Variants in RYR3 observed in about 807,000 individuals in gnomAD.
The protein encoded by RYR3 is brain ryanodine receptor-calcium release channel.
RYR3 carries 207 observed loss-of-function variants against 584.3 expected under a neutral mutation model. The observed-to-expected ratio is 0.35, with a 90% CI of 0.32 to 0.40. The LOEUF (loss-of-function observed/expected upper bound fraction) is 0.40, where lower values mean the gene tolerates loss of function less well. Among genes scored for constraint, RYR3 ranks in the 10% least tolerant of loss-of-function variants. RYR3 has a pLI of 1.00. For synonymous variants in RYR3, 2,416 were observed against 2,248.5 expected, an observed-to-expected ratio of 1.07 and a Z score of -2.11; for missense variants, 5,616 against 6,089.2, an observed-to-expected ratio of 0.92 and a Z score of 2.59.
intron 38 of RYR3, among the ~76,000 whole-genome samples, chr15:33,680,491 G>A (rs530214971): frequency 6.6e-6 from 1 of 152,196 alleles, no homozygotes; most frequent in Non-Finnish European, 1.5e-5. Flanking sequence ...GGTGGCTGCA[G>A]TTCTGGGCCT....
At position 33,613,301 on chromosome 15, in the gene RYR3, C is replaced by T. The variant is rs750595087; in HGVS notation, c.2283C>T (p.Pro761=). 23 of 1,613,846 alleles carry T rather than the reference C, an allele frequency of 1.4e-5. No individual in the cohort carries two copies. The highest frequency in any genetic ancestry group is 2.2e-5 in the South Asian group (2 of 91,080). The stretch of plus-strand genomic sequence containing the variant: ...TCTCATTCCGCATCAATGGGCAGCC[C>T]GTGCAGGGGATGTTTGAGAACTTCA... ...PSISFRINGQ[P]VQGMFENFNT... The change falls in exon 19 of 104, where the codon CCC becomes CCT. Residue 761 remains proline (P), a synonymous_variant. Transcript: ENST00000634891.
At chr15:33,429,338 G>A (rs898080348) in intron 1 of RYR3, among the ~76,000 whole-genome samples, 3 of 152,122 alleles carry the variant, frequency 2.0e-5, no homozygotes, top group Non-Finnish European at 4.4e-5. Context: ...TGTCACTAAG[G>A]ATTGTCACGC....
rs546847177 is a variant in RYR3, at chr15:33,741,802, G to A, written c.7821-564G>A. The stretch of plus-strand genomic sequence containing the variant: ...CTAATTTTTTTGTATTTTTAGTAGA[G>A]ACGGGGTTTCACCGTGTTAGCCAGG... On this transcript the variant is annotated intron_variant, in intron 51 of 103. Transcript: ENST00000634891. 2.6e-3 allele frequency among the ~76,000 whole-genome samples: 399 copies of A among 152,164 alleles called. 3 individuals carry two copies. Among genetic ancestry groups the A allele is most frequent in the Admixed American group, 7.1e-3 (109 of 15,280 alleles).
At chr15:33,700,584 T>C (rs897818023) in intron 41 of RYR3, among the ~76,000 whole-genome samples, 18 of 152,166 alleles carry the variant, frequency 1.2e-4, no homozygotes, top group Non-Finnish European at 1.9e-4. Context: ...GGTGAAACTA[T>C]ATGAGCTAAT....
intron 48 of RYR3, among the ~76,000 whole-genome samples, chr15:33,733,447 T>G (rs2069134906): frequency 6.6e-6 from 1 of 152,130 alleles, no homozygotes. Flanking sequence ...GCAATGAAAA[T>G]ACATAGAGGA....
intron 1 of RYR3, among the ~76,000 whole-genome samples, chr15:33,357,192 C>A (rs539697524): frequency 6.6e-6 from 1 of 152,318 alleles, no homozygotes; most frequent in South Asian, 2.1e-4. Flanking sequence ...TGCCACTTAT[C>A]AGACCTGAAT....
chr15:33,572,003 A>G (rs1324715230), intron 12 of RYR3, among the ~76,000 whole-genome samples: 3 of 152,190 alleles, frequency 2.0e-5, no homozygotes, highest in African/African-American at 2.4e-5. Flanking sequence ...GGAACTTAAT[A>G]TATATTTAAC....
At position 33,800,857 on chromosome 15, in the gene RYR3, T is replaced by C. The variant is rs750129991; in HGVS notation, c.9918T>C (p.His3306=). 1 of 1,605,996 alleles carries C rather than the reference T, an allele frequency of 6.2e-7. No homozygotes were observed. Among genetic ancestry groups the C allele is most frequent in the African/African-American group, 1.3e-5 (1 of 74,862 alleles). ...TCTTCATTCTGTGGTGTAAATCTCA[T>C]GTAAGAACACATTTGGGCCCTGGGT... is the stretch of plus-strand genomic sequence containing the variant. ...AEVFILWCKS[H]NFKREEQNFV... Residue 3306 remains histidine (H), a splice_region_variant and synonymous_variant, in exon 68 of 104, where the codon CAT becomes CAC. Transcript: ENST00000634891.
chr15:33,438,076 A>C (rs1395773466), intron 1 of RYR3, among the ~76,000 whole-genome samples: 1 of 152,204 alleles, frequency 6.6e-6, no homozygotes, highest in Non-Finnish European at 1.5e-5. Context: ...TCTAACCAGA[A>C]TTTGTCTGGT....
intron 1 of RYR3, among the ~76,000 whole-genome samples, chr15:33,395,445 A>G (rs1595959111): frequency 6.6e-6 from 1 of 152,366 alleles, no homozygotes; most frequent in African/African-American, 2.4e-5. Context: ...CATCTGCTAC[A>G]TAACGCAAGG....
chr15:33,629,066 T>C (rs1303214698), intron 21 of RYR3, among the ~76,000 whole-genome samples: 1 of 152,216 alleles, frequency 6.6e-6, no homozygotes, highest in East Asian at 1.9e-4. Flanking sequence ...ACGCCAACTC[T>C]CTCAAATGAC....
At chr15:33,792,926 T>A (rs1348899791) in intron 67 of RYR3, among the ~76,000 whole-genome samples, 2 of 152,140 alleles carry the variant, frequency 1.3e-5, no homozygotes, top group Non-Finnish European at 2.9e-5. Context: ...CTACGCAGAG[T>A]TAGTGCAGAT....
At chr15:33,671,505 C>G (rs2063832971) in intron 38 of RYR3, among the ~76,000 whole-genome samples, 1 of 152,134 alleles carries the variant, frequency 6.6e-6, no homozygotes, top group Non-Finnish European at 1.5e-5. Flanking sequence ...GTCAGAATAT[C>G]TCTGAAGGGA....
chr15:33,438,592 T>C (rs2045935450), intron 1 of RYR3, among the ~76,000 whole-genome samples: 1 of 152,206 alleles, frequency 6.6e-6, no homozygotes, highest in Non-Finnish European at 1.5e-5. Context: ...GATTAACTTA[T>C]CAAGTTACAC....
At chr15:33,586,372 A>G (rs2058847989) in intron 16 of RYR3, among the ~76,000 whole-genome samples, 1 of 152,116 alleles carries the variant, frequency 6.6e-6, no homozygotes, top group African/African-American at 2.4e-5. Context: ...ACACCAGCTC[A>G]CTGTGGGACA....
rs1890180135 is a variant in RYR3 at position 33,865,434 on chromosome 15, TGTCGAAGAAGGAA to T, written c.*210_*222del. 2.0e-6 allele frequency: 1 copy of T among 508,984 alleles called. No individual in the cohort carries two copies. Among genetic ancestry groups the T allele is most frequent in the Non-Finnish European group, 3.5e-6 (1 of 287,696 alleles). The allele number at this position is 508,984 out of a possible 1,614,324, so 31.5% of individuals were successfully genotyped here. ...CACTGTGGGAGAGAACCTGTCAAAATGTCGAAGAAGGAAGGCGAAGAATCAAGTAATCTCTAGG... is the reference window on the plus strand; with the variant it reads ...CACTGTGGGAGAGAACCTGTCAAAATGGCGAAGAATCAAGTAATCTCTAGG... On this transcript the variant is annotated 3_prime_UTR_variant, in exon 104 of 104. Transcript: ENST00000634891.
intron 1 of RYR3, among the ~76,000 whole-genome samples, chr15:33,362,076 C>T (rs1974845419): frequency 6.6e-6 from 1 of 152,172 alleles, no homozygotes. Context: ...TTCATGGAAT[C>T]CCACAAGAGG....
chr15:33,704,820 G>A (rs1217995136), intron 42 of RYR3, among the ~76,000 whole-genome samples: 2 of 152,170 alleles, frequency 1.3e-5, no homozygotes, highest in Non-Finnish European at 1.5e-5. Context: ...AAGCTGGAGA[G>A]GGAAGAAATG....
chr15:33,705,495 T>C (rs910883818), intron 42 of RYR3, among the ~76,000 whole-genome samples: 2 of 152,218 alleles, frequency 1.3e-5, no homozygotes, highest in African/African-American at 4.8e-5. Context: ...ATTCTCCTCT[T>C]CTCTGTGTAT....
Sources: gnomAD v4.1 joint callset for allele counts (sites outside exome capture counted in the v4.1 genomes callset) on GRCh38, gnomAD v4.1.1 for gene constraint, MANE v1.5 for transcripts, NCBI Gene and HGNC (gene_info 2026-07-23, HGNC 2026-07-21) for gene names.